DLC1: variants seen among roughly 807,000 people sequenced by gnomAD.
The protein encoded by DLC1 is DLC1 Rho GTPase activating protein, also known as rho GTPase-activating protein 7.
Under a neutral mutation model 140.3 loss-of-function variants are expected in DLC1, and 54 were observed. The observed-to-expected ratio is 0.38, with a 90% CI of 0.31 to 0.48. DLC1 has a LOEUF of 0.48. Among genes scored for constraint, DLC1 ranks in the 20% least tolerant of loss-of-function variants. The pLI, the probability that DLC1 is intolerant of heterozygous loss-of-function variation, is 0.96. For synonymous variants in DLC1, 986 were observed against 728.1 expected (o/e 1.35, Z -5.70); for missense variants, 2,536 against 1,907.0 (o/e 1.33, Z -6.14).
rs192352262 is a variant in DLC1, at chr8:13,145,505, G to T, written c.1349-29848C>A. On this transcript the variant is annotated intron_variant, in intron 5 of 17. Transcript: ENST00000276297. The stretch of plus-strand genomic sequence containing the variant: ...TAAAGCTAAACACTAATTATGCTAT[G>T]ATCTAGCAATTCTACTCTAAGGGAT... 3.4e-3 allele frequency among the ~76,000 whole-genome samples: 525 copies of T among 152,262 alleles called. 1 individual carries two copies. Among genetic ancestry groups the T allele is most frequent in the Non-Finnish European group, 6.1e-3 (413 of 68,014 alleles).
intron 1 of DLC1, among the ~76,000 whole-genome samples, chr8:13,525,982 G>T (rs1600791): frequency 0.98 from 149,939 of 152,236 alleles, 73,892 homozygotes; most frequent in East Asian, 1. Flanking sequence ...TATGACATAT[G>T]TAGAGATAAT....
chr8:13,185,725 T>A (rs1826332443), intron 5 of DLC1, among the ~76,000 whole-genome samples: 2 of 152,196 alleles, frequency 1.3e-5, no homozygotes, highest in Non-Finnish European at 2.9e-5. Flanking sequence ...TTAATTAATG[T>A]AGTTTCTGCC....
At chr8:13,161,272 G>T (rs1235974254) in intron 5 of DLC1, among the ~76,000 whole-genome samples, 2 of 152,166 alleles carry the variant, frequency 1.3e-5, no homozygotes, top group African/African-American at 2.4e-5. Flanking sequence ...TAAACCTGAC[G>T]ATTCTAAGAG....
Position 13,157,209 on chromosome 8 carries a change from T to C in DLC1, c.1349-41552A>G, listed in dbSNP as rs527250939. Among the ~76,000 whole-genome samples, 5 of 152,290 alleles carry C rather than the reference T, an allele frequency of 3.3e-5. No individual in the cohort carries two copies. In the East Asian group the frequency reaches 9.6e-4, roughly 29 times the overall value. On this transcript the variant is annotated intron_variant, in intron 5 of 17. Coordinates refer to ENST00000276297, the MANE Select transcript of DLC1 (RefSeq NM_182643.3). ...GAAACTATCTTTTTCCCTTTTTTGG[T>C]ATAAGCAAACAAGTCTGAAATACTC...
intron 3 of DLC1, among the ~76,000 whole-genome samples, chr8:13,394,927 A>G (rs1286607304): frequency 6.6e-6 from 1 of 152,004 alleles, no homozygotes; most frequent in Non-Finnish European, 1.5e-5. Flanking sequence ...ATTTCAAACC[A>G]AAGAACTTCA....
intron 2 of DLC1, among the ~76,000 whole-genome samples, chr8:13,436,048 A>C (rs1839109801): frequency 6.6e-6 from 1 of 152,202 alleles, no homozygotes; most frequent in Non-Finnish European, 1.5e-5. Flanking sequence ...GCACTTTTTA[A>C]AAGACAGAAT....
chr8:13,425,803 G>T (rs1293265722), intron 2 of DLC1, among the ~76,000 whole-genome samples: 1 of 152,018 alleles, frequency 6.6e-6, no homozygotes, highest in Non-Finnish European at 1.5e-5. Flanking sequence ...GGGTGATAGG[G>T]TCTCACTGTT....
At chr8:13,384,200 C>T (rs1836404854) in intron 4 of DLC1, among the ~76,000 whole-genome samples, 1 of 152,132 alleles carries the variant, frequency 6.6e-6, no homozygotes, top group Non-Finnish European at 1.5e-5. Context: ...ATATTTTCAT[C>T]CAGTGAGAAC....
chr8:13,456,044 G>C (rs1174193703), intron 2 of DLC1, among the ~76,000 whole-genome samples: 1 of 152,146 alleles, frequency 6.6e-6, no homozygotes, highest in Non-Finnish European at 1.5e-5. Flanking sequence ...GTGTTCTAAA[G>C]AATTAAAAAG....
rs80141819 is a variant in DLC1 at position 13,294,492 on chromosome 8, C to T, written c.1348+10777G>A. Among the ~76,000 whole-genome samples, 37 of 152,274 alleles carry T rather than the reference C, an allele frequency of 2.4e-4. No individual in the cohort carries two copies. In the East Asian group the frequency reaches 6.4e-3, roughly 26 times the overall value. ...GAGTTATCATAGAAGACTTCACCTT[C>T]ACCGGGAAGCCAGGACACAAATGAG... On this transcript the variant is annotated intron_variant, in intron 5 of 17. Transcript: ENST00000276297.
chr8:13,415,280 A>T (rs1167669435), intron 2 of DLC1, among the ~76,000 whole-genome samples: 1 of 152,186 alleles, frequency 6.6e-6, no homozygotes, highest in African/African-American at 2.4e-5. Flanking sequence ...ACATTTTGAA[A>T]TTTAAAAATA....
intron 4 of DLC1, among the ~76,000 whole-genome samples, chr8:13,392,807 C>T (rs570683749): frequency 3.5e-4 from 48 of 137,942 alleles, no homozygotes; most frequent in African/African-American, 1.3e-3. Flanking sequence ...TTCCTCCTTT[C>T]GTGGTGTATT....
Position 13,584,778 on chromosome 8 carries a change from A to G in DLC1, c.-126+19759T>C, listed in dbSNP as rs78992462. On this transcript the variant is annotated intron_variant, in intron 1 of 1. Transcript: ENST00000631382. ...CGCTCAAAAACTTTTCGCTGGTTCA[A>G]CAGAAACTTTCTTGGAACTGTGCAC... Among the ~76,000 whole-genome samples the G allele has an allele frequency of 4.8e-3, 735 of 152,290 alleles. 8 individuals carry two copies. The highest frequency in any genetic ancestry group is 0.016 in the African/African-American group (681 of 41,558).
intron 4 of DLC1, among the ~76,000 whole-genome samples, chr8:13,355,250 C>A (rs1030935415): frequency 3.3e-5 from 5 of 152,094 alleles, no homozygotes; most frequent in Non-Finnish European, 7.4e-5. Flanking sequence ...CCTAGGGGGG[C>A]TAAGGCAGGT....
At chr8:13,327,509 G>GA (rs1357333419) in intron 4 of DLC1, among the ~76,000 whole-genome samples, 2 of 149,308 alleles carry the variant, frequency 1.3e-5, no homozygotes, top group Non-Finnish European at 3.0e-5. Flanking sequence ...TGGGGGTGGG[G>GA]GTTTCTCATT....
chr8:13,098,944 T>G (rs960772012), intron 9 of DLC1, among the ~76,000 whole-genome samples: 1 of 152,176 alleles, frequency 6.6e-6, no homozygotes, highest in East Asian at 1.9e-4. Flanking sequence ...AGAAGCAACA[T>G]TAGCAATGGG....
At chr8:13,302,980 T>G (rs1298454990) in intron 5 of DLC1, among the ~76,000 whole-genome samples, 2 of 152,230 alleles carry the variant, frequency 1.3e-5, no homozygotes, top group Non-Finnish European at 2.9e-5. Flanking sequence ...ACTTAAAACT[T>G]TTGAAATAAA....
intron 5 of DLC1, among the ~76,000 whole-genome samples, chr8:13,200,337 C>T (rs1258916820): frequency 6.6e-6 from 1 of 152,096 alleles, no homozygotes; most frequent in Non-Finnish European, 1.5e-5. Context: ...GCTGGGATTA[C>T]AGGCATGAGC....
chr8:13,483,965 A>G (rs1005496167), intron 2 of DLC1, among the ~76,000 whole-genome samples: 2 of 151,326 alleles, frequency 1.3e-5, no homozygotes, highest in African/African-American at 2.4e-5. Flanking sequence ...CCTGTAGTCT[A>G]GCTACTAGGG....
Sources: gnomAD v4.1 joint callset for allele counts (sites outside exome capture counted in the v4.1 genomes callset) on GRCh38, gnomAD v4.1.1 for gene constraint, MANE v1.5 for transcripts, NCBI Gene and HGNC (gene_info 2026-07-23, HGNC 2026-07-21) for gene names.